Variants in CPAP observed in about 807,000 individuals in gnomAD.
CPAP encodes centrosome assembly and centriole elongation protein.
At chr13:24,933,577 C>T in the CPAP span, 1 of 158,964 alleles carries the variant, frequency 6.3e-6, no homozygotes, top group Non-Finnish European at 1.4e-5. Context: ...GACTCATCTT[C>T]GCAGTGTAGC....
the CPAP span, among the ~76,000 whole-genome samples, chr13:24,897,777 G>C: frequency 6.6e-6 from 1 of 152,174 alleles, no homozygotes; most frequent in Non-Finnish European, 1.5e-5. Context: ...AGGTGAATTA[G>C]AATGCAAACA....
the CPAP span, among the ~76,000 whole-genome samples, chr13:24,895,919 A>G: frequency 3.3e-5 from 5 of 152,226 alleles, no homozygotes; most frequent in African/African-American, 7.2e-5. Context: ...AATTTGCTGA[A>G]TGAATACCCA....
chr13:24,906,416 G>C, the CPAP span: 1 of 1,613,580 alleles, frequency 6.2e-7, no homozygotes, highest in Non-Finnish European at 8.5e-7. Flanking sequence ...CTCCCTTATG[G>C]GGCTCTTAGC....
the CPAP span, among the ~76,000 whole-genome samples, chr13:24,907,389 C>A: frequency 0.011 from 1,704 of 152,332 alleles, 40 homozygotes; most frequent in African/African-American, 0.037. Flanking sequence ...ACACTCTTCA[C>A]ATGACTTTGG....
chr13:24,896,362 A>T, the CPAP span, among the ~76,000 whole-genome samples: 1 of 152,270 alleles, frequency 6.6e-6, no homozygotes, highest in African/African-American at 2.4e-5. Flanking sequence ...CAGAGCTGCC[A>T]GCAGTGAGGA....
chr13:24,920,644 G>A, the CPAP span, among the ~76,000 whole-genome samples: 1 of 126,940 alleles, frequency 7.9e-6, no homozygotes, highest in African/African-American at 3.0e-5. Flanking sequence ...TTTTTGAGAT[G>A]GAGTCTCACT....
chr13:24,884,206 A>G, the CPAP span: 1 of 1,614,182 alleles, frequency 6.2e-7, no homozygotes. Flanking sequence ...CCCTCCGGGT[A>G]TGTCGTGTGA....
the CPAP span, chr13:24,884,071 G>T: frequency 2.3e-5 from 37 of 1,608,502 alleles, no homozygotes; most frequent in Non-Finnish European, 3.1e-5. Context: ...TCTTCCATCT[G>T]GGTAATGTTT....
the CPAP span, chr13:24,905,275 A>G: frequency 7.1e-7 from 1 of 1,403,552 alleles, no homozygotes; most frequent in Non-Finnish European, 1.0e-6. Flanking sequence ...GATTTTAAGC[A>G]TTCTGACAGC....
At chr13:24,893,888 G>A in the CPAP span, among the ~76,000 whole-genome samples, 1 of 152,178 alleles carries the variant, frequency 6.6e-6, no homozygotes, top group Non-Finnish European at 1.5e-5. Flanking sequence ...CATCTCATGA[G>A]GCTCACTCTG....
the CPAP span, among the ~76,000 whole-genome samples, chr13:24,887,569 C>T: frequency 1.3e-5 from 2 of 152,182 alleles, no homozygotes; most frequent in African/African-American, 4.8e-5. Flanking sequence ...TCTCCCATCA[C>T]CCCCAGATGG....
chr13:24,910,232 CATTG>C, the CPAP span: 8 of 811,124 alleles, frequency 9.9e-6, no homozygotes, highest in Non-Finnish European at 1.6e-5. Flanking sequence ...TTAACAAAAC[CATTG>C]ATTGTTTGAG....
chr13:24,933,266 G>C, the CPAP span: 17 of 717,328 alleles, frequency 2.4e-5, no homozygotes, highest in Non-Finnish European at 3.7e-5. Context: ...CATCAGGAGA[G>C]ACTGTGACTT....
the CPAP span, chr13:24,883,371 T>C: frequency 1.3e-6 from 2 of 1,587,196 alleles, no homozygotes; most frequent in East Asian, 2.2e-5. Context: ...TTGCCATCAC[T>C]GTAAAATTTA....
At chr13:24,900,833 T>C in the CPAP span, among the ~76,000 whole-genome samples, 4 of 151,964 alleles carry the variant, frequency 2.6e-5, no homozygotes, top group Admixed American at 2.6e-4. Flanking sequence ...GGGTTAGAAA[T>C]GGACTGAGAG....
the CPAP span, chr13:24,889,396 G>A: frequency 6.3e-7 from 1 of 1,592,816 alleles, no homozygotes; most frequent in Non-Finnish European, 8.6e-7. Context: ...TCGAACAGAT[G>A]TGTTCTATAG....
At chr13:24,901,562 T>G in the CPAP span, among the ~76,000 whole-genome samples, 2 of 152,202 alleles carry the variant, frequency 1.3e-5, no homozygotes, top group African/African-American at 2.4e-5. Context: ...GCAGAATAAT[T>G]TCTAATGTGG....
the CPAP span, among the ~76,000 whole-genome samples, chr13:24,894,780 G>A: frequency 9.9e-5 from 15 of 152,136 alleles, no homozygotes; most frequent in East Asian, 1.9e-4. Flanking sequence ...AGGATGACAC[G>A]CCCTCGGGGT....
chr13:24,924,363 TTTTTA>T, the CPAP span, among the ~76,000 whole-genome samples: 1 of 152,256 alleles, frequency 6.6e-6, no homozygotes, highest in East Asian at 1.9e-4. Context: ...TATTCGTATG[TTTTTA>T]TTTTAATATA....
Sources: gnomAD v4.1 joint callset for allele counts (sites outside exome capture counted in the v4.1 genomes callset) on GRCh38, gnomAD v4.1.1 for gene constraint, MANE v1.5 for transcripts, NCBI Gene and HGNC (gene_info 2026-07-23, HGNC 2026-07-21) for gene names.